Variants in TXK observed in about 807,000 individuals in gnomAD.
TXK encodes the protein TXK tyrosine kinase, also known as tyrosine-protein kinase TXK.
In TXK, 60 loss-of-function variants were observed where a neutral mutation model predicts 81.0. The ratio of observed to expected loss-of-function variants is 0.74; its 90% CI spans 0.60 to 0.92. TXK has a LOEUF of 0.92. TXK is among the 40% of genes least tolerant of loss of function. TXK has a pLI of 0.00. For missense variants in TXK, 581 were observed against 638.3 expected (o/e 0.91, Z 0.97); for synonymous variants, 203 against 210.7 (o/e 0.96, Z 0.32).
intron 3 of TXK, 42 bp downstream of exon 3, chr4:48,113,165 A>T (rs759342276): frequency 1.4e-6 from 2 of 1,473,076 alleles, no homozygotes; most frequent in Non-Finnish European, 1.9e-6. Flanking sequence ...CTAAAAAGAC[A>T]ACCTTCTCCA....
rs33963487 is a variant in TXK, at chr4:48,071,956, C to CTTTTT, written c.1358-287_1358-283dup. On this transcript the variant is annotated intron_variant, in intron 13 of 14. Coordinates refer to ENST00000264316, the MANE Select transcript of TXK (RefSeq NM_003328.3). ...GAAAATGCCAGTAGCATTTTCTTTT[C>CTTTTT]TTTTTTTTTTTTTTTGAGACAGGGT... Among the ~76,000 whole-genome samples, 3 of 137,688 alleles carry CTTTTT rather than the reference C, an allele frequency of 2.2e-5. 1 individual carries two copies. Among genetic ancestry groups the CTTTTT allele is most frequent in the East Asian group, 2.1e-4 (1 of 4,652 alleles). 90.3% of individuals were successfully genotyped at this position (137,688 alleles called of 152,430 possible).
intron 1 of TXK, among the ~76,000 whole-genome samples, chr4:48,118,785 G>A (rs1718878002): frequency 6.6e-6 from 1 of 152,166 alleles, no homozygotes; most frequent in African/African-American, 2.4e-5. Flanking sequence ...TTCTCCAGCA[G>A]AGGGTATCTC....
intron 5 of TXK, among the ~76,000 whole-genome samples, chr4:48,108,034 GC>G (rs1718517677): frequency 6.6e-6 from 1 of 151,966 alleles, no homozygotes. Flanking sequence ...TCACGACACT[GC>G]ACTCCAGCCT....
rs1718661908 is a variant in TXK at position 48,112,398 on chromosome 4, C to T, written c.289G>A (p.Glu97Lys). 1 of 1,614,198 alleles carries T rather than the reference C, an allele frequency of 6.2e-7. No individual in the cohort carries two copies. The highest frequency in any genetic ancestry group is 8.5e-7 in the Non-Finnish European group (1 of 1,180,022). ...VKALYDFLPR[E>K]PCNLALRRAE... ...CTCCTTAAGGCTAAATTACAGGGTT[C>T]TCTGGGCAGAAAATCATAAAGTGCC... is the stretch of plus-strand genomic sequence containing the variant. Residue 97 changes from glutamate (E) to lysine (K), a missense_variant, in exon 4 of 15, where the codon GAA becomes AAA. By Grantham distance (56) the Glu-to-Lys change is moderately conservative. Transcript: ENST00000264316.
chr4:48,082,702 C>T (rs1717356734), intron 10 of TXK, among the ~76,000 whole-genome samples: 1 of 152,042 alleles, frequency 6.6e-6, no homozygotes, highest in Non-Finnish European at 1.5e-5. Context: ...GCTTTTTGGC[C>T]CACCACGCCC....
At chr4:48,120,729 G>C (rs957698635) in intron 1 of TXK, among the ~76,000 whole-genome samples, 5 of 152,038 alleles carry the variant, frequency 3.3e-5, no homozygotes, top group Non-Finnish European at 5.9e-5. Flanking sequence ...GATCTCAAGT[G>C]ATCTGCCCAC....
rs747916426 is a variant in TXK, at chr4:48,094,222, T to G, written c.582-18A>C. Reference sequence around the variant, plus strand: ...CCGTACTTCTACAATCAAGAAAATGTGAATTACTAGAAATGTGAAAGATCA... The same window carrying G: ...CCGTACTTCTACAATCAAGAAAATGGGAATTACTAGAAATGTGAAAGATCA... On this transcript the variant is annotated intron_variant, in intron 7 of 14. Coordinates refer to ENST00000264316, the MANE Select transcript of TXK (RefSeq NM_003328.3). 1.2e-6 allele frequency: 2 copies of G among 1,611,548 alleles called. No individual in the cohort carries two copies. Among genetic ancestry groups the G allele is most frequent in the Non-Finnish European group, 1.7e-6 (2 of 1,179,688 alleles).
intron 9 of TXK, among the ~76,000 whole-genome samples, chr4:48,087,873 C>T (rs1414976811): frequency 3.9e-5 from 6 of 151,992 alleles, no homozygotes; most frequent in Non-Finnish European, 8.8e-5. Flanking sequence ...ATCAAAAATA[C>T]CCCCATTAAG....
In TXK at chr4:48,076,409, T is replaced by A; in HGVS notation, c.1231A>T (p.Met411Leu). 6.2e-7 allele frequency: 1 copy of A among 1,610,970 alleles called. No individual in the cohort carries two copies. The highest frequency in any genetic ancestry group is 1.1e-5 in the South Asian group (1 of 90,542). ...TCIVKISDFG[M>L]TRYVLDDEYV... is the part of the protein sequence containing the mutation. ...TATATACATAGCATGTACCTTGTCA[T>A]TCCAAAGTCTGAAATTTTTACTATG... is the stretch of plus-strand genomic sequence containing the variant. The change falls in exon 12 of 15, where the codon ATG (methionine) becomes TTG (leucine). Residue 411 changes from methionine (M) to leucine (L), a missense_variant. Transcript: ENST00000264316.
intron 1 of TXK, among the ~76,000 whole-genome samples, chr4:48,129,082 AG>A (rs1216606699): frequency 2.0e-5 from 3 of 152,014 alleles, no homozygotes; most frequent in Non-Finnish European, 4.4e-5. Flanking sequence ...CACCAAGGAG[AG>A]GGGAAAATAG....
chr4:48,082,500 T>C (rs1038186794), intron 10 of TXK, among the ~76,000 whole-genome samples: 26 of 152,192 alleles, frequency 1.7e-4, no homozygotes, highest in African/African-American at 5.8e-4. Context: ...CTTTGGATAA[T>C]AACTCAACCA....
In TXK at chr4:48,086,635, T is replaced by C. The variant is rs1399076104; in HGVS notation, c.787A>G (p.Lys263Glu). 1 of 1,612,246 alleles carries C rather than the reference T, an allele frequency of 6.2e-7. No individual in the cohort carries two copies. The highest frequency in any genetic ancestry group is 8.5e-7 in the Non-Finnish European group (1 of 1,179,294). ...AACTCAGATGGATCTATCTCCCACT[T>C]TTCTGAAAAAGTAAAACATCCATGT... Reference protein sequence around the residue: ...LPATAGFSYEKWEIDPSELAF... With the variant: ...LPATAGFSYEEWEIDPSELAF... The change falls in exon 10 of 15, where the codon AAG becomes GAG. Residue 263 changes from lysine to glutamate, a missense_variant and splice_region_variant. Lys to Glu is a moderately conservative substitution (Grantham distance 56). Coordinates refer to ENST00000264316, the MANE Select transcript of TXK (RefSeq NM_003328.3).
chr4:48,093,217 A>G lies in TXK; in HGVS notation c.709+860T>C, dbSNP rs190012088. Among the ~76,000 whole-genome samples the G allele has an allele frequency of 2.6e-5, 4 of 152,372 alleles. No individual in the cohort carries two copies. The East Asian group carries it at 5.8e-4, about 22-fold the overall frequency. On this transcript the variant is annotated intron_variant, in intron 8 of 14. Coordinates refer to ENST00000264316, the MANE Select transcript of TXK (RefSeq NM_003328.3). ...TGTGGATGCATCCCACAAGTGGATAAAAATGTCCTTTGATATATTCCTGAT... is the reference window on the plus strand; with the variant it reads ...TGTGGATGCATCCCACAAGTGGATAGAAATGTCCTTTGATATATTCCTGAT...
Position 48,114,533 on chromosome 4 carries a change from G to A in TXK, c.17-131C>T, listed in dbSNP as rs1718741741. 4 of 911,180 alleles carry A rather than the reference G, an allele frequency of 4.4e-6. 1 individual carries two copies. In the South Asian group the frequency reaches 4.5e-5, roughly 10 times the overall value. 56.4% of individuals were successfully genotyped at this position (911,180 alleles called of 1,614,324 possible). A position where few individuals can be genotyped will look rare whatever the true frequency, so the allele number is the denominator to read the frequency against. ...CTCGATCGTGCCTTCCTTCACTAGT[G>A]GAAGACAAATAACTGTCACTAAAGC... On this transcript the variant is annotated intron_variant, in intron 1 of 14. Transcript: ENST00000264316.
intron 1 of TXK, among the ~76,000 whole-genome samples, chr4:48,125,434 G>C (rs1719066431): frequency 1.3e-5 from 2 of 152,180 alleles, no homozygotes; most frequent in Non-Finnish European, 2.9e-5. Flanking sequence ...GGAGGAAGAA[G>C]GCTTAGTAAA....
chr4:48,078,540 A>G (rs867598827), intron 11 of TXK, among the ~76,000 whole-genome samples: 2 of 152,212 alleles, frequency 1.3e-5, no homozygotes, highest in Admixed American at 6.5e-5. Flanking sequence ...ACATCAAGGG[A>G]ATAGTGTGAA....
chr4:48,089,707 T>C, intron 9 of TXK, 43 bp downstream of exon 9: 1 of 1,523,732 alleles, frequency 6.6e-7, no homozygotes, highest in Middle Eastern at 1.7e-4. Context: ...GATTCTTTAC[T>C]ACTGGATTTG....
At chr4:48,113,393 A>C (rs1439537453) in intron 2 of TXK, 84 bp from the exon 3 acceptor site, 7 of 1,047,476 alleles carry the variant, frequency 6.7e-6, no homozygotes, top group African/African-American at 1.6e-5. Flanking sequence ...CAGAAATAGC[A>C]GAAAAATCCA....
chr4:48,104,947 T>A lies in TXK; in HGVS notation c.455A>T (p.His152Leu), dbSNP rs1383820228. Residue 152 changes from histidine to leucine, a missense_variant, in exon 6 of 15, where the codon CAT becomes CTT. Coordinates refer to ENST00000264316, the MANE Select transcript of TXK (RefSeq NM_003328.3). ...TGCCTGATTTCTGGTAATGTTTCTA[T>A]GGTACCACCTGTAAAAGCAATAAAA... The part of the protein sequence containing the change: ...ITNLEIYEWY[H>L]RNITRNQAEH... 6.3e-7 allele frequency: 1 copy of A among 1,586,868 alleles called. No individual in the cohort carries two copies. The highest frequency in any genetic ancestry group is 1.2e-5 in the South Asian group (1 of 84,804).
Sources: gnomAD v4.1 joint callset for allele counts (sites outside exome capture counted in the v4.1 genomes callset) on GRCh38, gnomAD v4.1.1 for gene constraint, MANE v1.5 for transcripts, NCBI Gene and HGNC (gene_info 2026-07-23, HGNC 2026-07-21) for gene names.